Variants in MSRA observed in about 807,000 individuals in gnomAD.
MSRA encodes mitochondrial peptide methionine sulfoxide reductase.
A neutral mutation model predicts 31.3 loss-of-function variants in MSRA; 54 were observed. The observed-to-expected ratio is 1.73, with a 90% CI of 1.39 to 2.17. The LOEUF (loss-of-function observed/expected upper bound fraction) is 2.17, where lower values mean the gene tolerates loss of function less well. Ranked by LOEUF, MSRA falls within the 30% of genes most tolerant of loss-of-function variation. The pLI is 0.00. For missense variants in MSRA, 507 were observed against 300.9 expected (o/e 1.69, Z -5.07); for synonymous variants, 169 against 116.5 (o/e 1.45, Z -2.90).
intron 2 of MSRA, among the ~76,000 whole-genome samples, chr8:10,243,532 C>T (rs932827019): frequency 2.6e-5 from 4 of 152,078 alleles, no homozygotes; most frequent in African/African-American, 4.8e-5. Context: ...GGTATAGTGG[C>T]GGGTAACATA....
intron 5 of MSRA, among the ~76,000 whole-genome samples, chr8:10,413,159 C>G (rs1585722637): frequency 6.6e-6 from 1 of 152,148 alleles, no homozygotes. Context: ...TGCCATGAGG[C>G]CCTGCACAAG....
At chr8:10,315,933 C>G (rs1459459684) in intron 4 of MSRA, among the ~76,000 whole-genome samples, 2 of 152,200 alleles carry the variant, frequency 1.3e-5, no homozygotes, top group Non-Finnish European at 2.9e-5. Context: ...ACTATGATAA[C>G]TTTTGACCTT....
intron 2 of MSRA, among the ~76,000 whole-genome samples, chr8:10,209,024 C>T (rs1265148866): frequency 6.6e-6 from 1 of 152,186 alleles, no homozygotes. Flanking sequence ...TAAACAGGGA[C>T]CCAGTTCCAC....
At chr8:10,222,941 C>T (rs528330578) in intron 2 of MSRA, among the ~76,000 whole-genome samples, 4 of 152,038 alleles carry the variant, frequency 2.6e-5, no homozygotes, top group African/African-American at 4.8e-5. Context: ...TTGAAAATTG[C>T]TAAGAGAGTA....
intron 5 of MSRA, among the ~76,000 whole-genome samples, chr8:10,377,397 T>G (rs911902462): frequency 6.6e-6 from 1 of 152,254 alleles, no homozygotes; most frequent in Non-Finnish European, 1.5e-5. Flanking sequence ...CTAGTAGCAG[T>G]CTTTTTCCAT....
At chr8:10,103,364 A>G (rs1325937117) in intron 1 of MSRA, among the ~76,000 whole-genome samples, 1 of 152,220 alleles carries the variant, frequency 6.6e-6, no homozygotes, top group African/African-American at 2.4e-5. Flanking sequence ...ACTTTGGAAT[A>G]ATATATTGTC....
rs561952814 is a variant in MSRA, at chr8:10,201,636, G to A, written c.143-6197G>A. 1.1e-4 allele frequency among the ~76,000 whole-genome samples: 16 copies of A among 152,340 alleles called. No individual in the cohort carries two copies. In the East Asian group the frequency reaches 2.9e-3, roughly 28 times the overall value. ...TACTGTGCCCTTTTCAAGGAAGAAA[G>A]TCATACAATTTGAAGTGCATGAGAC... On this transcript the variant is annotated intron_variant, in intron 1 of 5. Coordinates refer to ENST00000317173, the MANE Select transcript of MSRA (RefSeq NM_012331.5).
intron 1 of MSRA, among the ~76,000 whole-genome samples, chr8:10,172,786 C>G (rs1382742381): frequency 1.3e-5 from 2 of 152,192 alleles, no homozygotes; most frequent in Non-Finnish European, 2.9e-5. Flanking sequence ...TAGCTCACCC[C>G]TTCGCTTACT....
chr8:10,275,619 G>C (rs757533697), intron 3 of MSRA, among the ~76,000 whole-genome samples: 6 of 152,146 alleles, frequency 3.9e-5, no homozygotes, highest in Admixed American at 1.3e-4. Flanking sequence ...ATGGAACTAG[G>C]ATTCACACCT....
intron 3 of MSRA, among the ~76,000 whole-genome samples, chr8:10,246,307 C>T (rs1563264623): frequency 6.6e-6 from 1 of 152,224 alleles, no homozygotes; most frequent in East Asian, 1.9e-4. Flanking sequence ...CAGATGCCCT[C>T]ATGGCAAATT....
At chr8:10,177,980 T>C (rs1806202300) in intron 1 of MSRA, among the ~76,000 whole-genome samples, 1 of 152,212 alleles carries the variant, frequency 6.6e-6, no homozygotes, top group South Asian at 2.1e-4. Flanking sequence ...CAAGAACCTG[T>C]TCATCTCACT....
intron 1 of MSRA, among the ~76,000 whole-genome samples, chr8:10,145,307 A>G (rs1383388956): frequency 6.6e-6 from 1 of 152,230 alleles, no homozygotes; most frequent in Non-Finnish European, 1.5e-5. Context: ...GCATTAGAAA[A>G]GAAAGGCCAA....
intron 2 of MSRA, among the ~76,000 whole-genome samples, chr8:10,216,786 T>C (rs1810034480): frequency 6.6e-6 from 1 of 152,236 alleles, no homozygotes. Context: ...AGACCACATT[T>C]GGTTTGTCCA....
At chr8:10,408,381 T>G (rs1179294584) in intron 5 of MSRA, among the ~76,000 whole-genome samples, 1 of 152,006 alleles carries the variant, frequency 6.6e-6, no homozygotes, top group Non-Finnish European at 1.5e-5. Flanking sequence ...TACCAAAATT[T>G]TTTTTAAAAA....
At chr8:10,212,218 T>G (rs1361896423) in intron 2 of MSRA, among the ~76,000 whole-genome samples, 5 of 152,112 alleles carry the variant, frequency 3.3e-5, no homozygotes, top group Non-Finnish European at 2.9e-5. Flanking sequence ...TTACTATCTT[T>G]GAACATAAAT....
intron 3 of MSRA, among the ~76,000 whole-genome samples, chr8:10,273,227 A>G (rs568502952): frequency 1.3e-5 from 2 of 152,310 alleles, no homozygotes; most frequent in East Asian, 1.9e-4. Flanking sequence ...TAAAATAAAA[A>G]TGGTATTCTT....
chr8:10,320,058 G>T, intron 5 of MSRA, 69 bp downstream of exon 5: 1 of 959,402 alleles, frequency 1.0e-6, no homozygotes, highest in Non-Finnish European at 1.6e-6. Flanking sequence ...TGATTTTAGA[G>T]GGCAGTCTGC....
intron 2 of MSRA, among the ~76,000 whole-genome samples, chr8:10,231,907 TAAAATAAAAATA>T (rs57904447): frequency 2.1e-4 from 31 of 144,240 alleles, no homozygotes; most frequent in African/African-American, 4.7e-4. Flanking sequence ...TGTCTCAAAA[TAAAATAAAAATA>T]AAAATAAAAA....
At chr8:10,116,914 C>G (rs1800730045) in intron 1 of MSRA, among the ~76,000 whole-genome samples, 1 of 152,102 alleles carries the variant, frequency 6.6e-6, no homozygotes, top group African/African-American at 2.4e-5. Context: ...TGCGGTGAGC[C>G]AAGATTGCGC....
Sources: gnomAD v4.1 joint callset for allele counts (sites outside exome capture counted in the v4.1 genomes callset) on GRCh38, gnomAD v4.1.1 for gene constraint, MANE v1.5 for transcripts, NCBI Gene and HGNC (gene_info 2026-07-23, HGNC 2026-07-21) for gene names.